COQ8A: variants seen among roughly 807,000 people sequenced by gnomAD.
The protein encoded by COQ8A is coenzyme Q8A.
COQ8A carries 51 observed loss-of-function variants against 65.0 expected under a neutral mutation model. The ratio of observed to expected loss-of-function variants is 0.78; its 90% CI spans 0.63 to 0.99. The LOEUF is 0.99. Among genes scored for constraint, COQ8A ranks in the 50% least tolerant of loss-of-function variants. The pLI is 0.00. For synonymous variants in COQ8A, 371 were observed against 353.2 expected (o/e 1.05, Z -0.57); for missense variants, 940 against 875.0 (o/e 1.07, Z -0.94).
chr1:226,965,538 C>G, intron 3 of COQ8A, 128 bp downstream of exon 3: 1 of 1,504,560 alleles, frequency 6.6e-7, no homozygotes, highest in Non-Finnish European at 9.1e-7. Flanking sequence ...GTGGCCTTCT[C>G]TTGGTGGAGT....
intron 4 of COQ8A, among the ~76,000 whole-genome samples, chr1:226,970,651 C>T (rs1658847883): frequency 6.6e-6 from 1 of 152,152 alleles, no homozygotes; most frequent in South Asian, 2.1e-4. Context: ...CAGCACGCAT[C>T]TTGACTTATT....
intron 1 of COQ8A, among the ~76,000 whole-genome samples, chr1:226,961,034 C>A (rs1157600859): frequency 6.6e-6 from 1 of 152,146 alleles, no homozygotes; most frequent in Non-Finnish European, 1.5e-5. Flanking sequence ...GCGCCTGACT[C>A]AAGTCCTGGT....
intron 1 of COQ8A, among the ~76,000 whole-genome samples, chr1:226,960,359 G>GGCAGTGGTA (rs1558187319): frequency 4.6e-3 from 6 of 1,292 alleles, no homozygotes; most frequent in Admixed American, 0.011. Context: ...TGGTGGTGGT[G>GGCAGTGGTA]CTTGGTGGTG....
chr1:226,945,121 C>T (rs1009750229), intron 1 of COQ8A, among the ~76,000 whole-genome samples: 1 of 151,998 alleles, frequency 6.6e-6, no homozygotes, highest in African/African-American at 2.4e-5. Context: ...ACTTTCTGCA[C>T]TCCAGGGATG....
chr1:226,973,021 C>G (rs964695068), intron 4 of COQ8A, among the ~76,000 whole-genome samples: 1 of 152,172 alleles, frequency 6.6e-6, no homozygotes, highest in South Asian at 2.1e-4. Context: ...GCTGTTGGAC[C>G]CTTTGGCTGG....
intron 8 of COQ8A, 200 bp downstream of exon 8, chr1:226,983,234 G>A: frequency 1.1e-6 from 1 of 872,394 alleles, no homozygotes; most frequent in Non-Finnish European, 1.7e-6. Context: ...TGACTTTGGG[G>A]GCACAGAGGG....
chr1:226,985,400 A>C, intron 14 of COQ8A, 60 bp downstream of exon 14: 2 of 1,578,692 alleles, frequency 1.3e-6, no homozygotes, highest in Non-Finnish European at 8.7e-7. Context: ...CTCCCTGTGT[A>C]AGAATGGATG....
At chr1:226,958,421 C>T (rs1461816183) in intron 1 of COQ8A, among the ~76,000 whole-genome samples, 1 of 152,208 alleles carries the variant, frequency 6.6e-6, no homozygotes, top group African/African-American at 2.4e-5. Flanking sequence ...CACGTCCCGG[C>T]TCCAGGTCGT....
At chr1:226,955,829 C>T (rs533778654) in intron 1 of COQ8A, among the ~76,000 whole-genome samples, 1 of 129,762 alleles carries the variant, frequency 7.7e-6, no homozygotes, top group Non-Finnish European at 1.6e-5. Flanking sequence ...CCCTGGCTCC[C>T]ACTCCCTGGT....
rs928608241 is a variant in COQ8A, at chr1:226,984,410, G to T, written c.1399-138G>T. 3.9e-6 allele frequency: 5 copies of T among 1,272,640 alleles called. No homozygotes were observed. The African/African-American group carries it at 7.3e-5, about 19-fold the overall frequency. The allele number at this position is 1,272,640 out of a possible 1,614,324, so 78.8% of individuals were successfully genotyped here. A position where few individuals can be genotyped will look rare whatever the true frequency, so the allele number is the denominator to read the frequency against. On this transcript the variant is annotated intron_variant, in intron 11 of 14. Transcript: ENST00000366777. ...CACAGGGGAGCTGCTGCCTTCCCTG[G>T]CCCAAGTAACACTGGGAATCAAACA...
chr1:226,967,596 CAG>C (rs1047985695), intron 4 of COQ8A, among the ~76,000 whole-genome samples: 1 of 152,186 alleles, frequency 6.6e-6, no homozygotes, highest in African/African-American at 2.4e-5. Flanking sequence ...TTAAGGAAGA[CAG>C]AGACTGATGT....
intron 5 of COQ8A, among the ~76,000 whole-genome samples, chr1:226,981,332 C>T (rs1297118655): frequency 1.3e-5 from 2 of 152,242 alleles, no homozygotes; most frequent in Non-Finnish European, 2.9e-5. Context: ...CGGCCTTCTG[C>T]TGCTCCTGAG....
rs1274792704 is a variant in COQ8A, at chr1:226,949,060, AGCCCCAAG to A, written c.-10+8674_-10+8681del. ...GCTGGTCAGGGCAGAGCTGATTCCC[AGCCCCAAG>A]GCCCCAAGGCCCTCACCCTTGGCTA... On this transcript the variant is annotated intron_variant, in intron 1 of 14. Coordinates refer to ENST00000366777, the MANE Select transcript of COQ8A (RefSeq NM_020247.5). This position sits in a 1 kb window ranked among gnomAD's most constrained non-coding sequence, Gnocchi z 4.0. Among the ~76,000 whole-genome samples the A allele has an allele frequency of 5.9e-5, 9 of 152,070 alleles. No individual in the cohort carries two copies. The highest frequency in any genetic ancestry group is 2.0e-4 in the Admixed American group (3 of 15,256).
intron 5 of COQ8A, 36 bp from the exon 6 acceptor site, chr1:226,981,991 C>A: frequency 6.8e-6 from 11 of 1,612,832 alleles, no homozygotes; most frequent in Non-Finnish European, 7.6e-6. Flanking sequence ...CCAGACCCCC[C>A]CGAGTGCCGT....
intron 10 of COQ8A, 64 bp from the exon 11 acceptor site, chr1:226,984,026 GGTGT>G: frequency 6.5e-7 from 1 of 1,537,660 alleles, no homozygotes; most frequent in East Asian, 2.6e-5. Flanking sequence ...CTGGTTGGGG[GGTGT>G]GTGTGGGGGG....
At chr1:226,961,338 G>A (rs761367864) in intron 1 of COQ8A, 39 bp from the exon 2 acceptor site, 20 of 1,611,238 alleles carry the variant, frequency 1.2e-5, no homozygotes, top group Non-Finnish European at 1.6e-5. Flanking sequence ...GGCCTGCAGA[G>A]GCCTGGGGCC....
intron 5 of COQ8A, among the ~76,000 whole-genome samples, chr1:226,979,304 G>T (rs1429911708): frequency 6.6e-6 from 1 of 152,188 alleles, no homozygotes; most frequent in Non-Finnish European, 1.5e-5. Flanking sequence ...GGAGTGGGGC[G>T]CACTGAGTCC....
In COQ8A at chr1:226,965,013, A is replaced by G; in HGVS notation, c.191A>G (p.His64Arg). 1.9e-6 allele frequency: 3 copies of G among 1,614,030 alleles called. No individual in the cohort carries two copies. The highest frequency in any genetic ancestry group is 1.1e-5 in the South Asian group (1 of 91,080). The change falls in exon 3 of 15, where the codon CAT becomes CGT. Residue 64 changes from histidine to arginine, a missense_variant. Physicochemically the swap from His to Arg is conservative, Grantham distance 29. Coordinates refer to ENST00000366777, the MANE Select transcript of COQ8A (RefSeq NM_020247.5). ...FLGKVQGQDK[H>R]EEYFAENFGG... The stretch of plus-strand genomic sequence containing the variant: ...TGCTCCCTGCAGGGTCAGGATAAAC[A>G]TGAAGAATATTTTGCTGAGAACTTC...
At chr1:226,968,227 C>T (rs1051632733) in intron 4 of COQ8A, among the ~76,000 whole-genome samples, 9 of 151,952 alleles carry the variant, frequency 5.9e-5, no homozygotes, top group Non-Finnish European at 1.2e-4. Context: ...CCCAGCTACT[C>T]GGGAGGCTGA....
Sources: allele counts gnomAD v4.1 joint callset (sites outside exome capture counted in the v4.1 genomes callset), GRCh38; gene constraint gnomAD v4.1.1; non-coding constraint Gnocchi (gnomAD v3.1); transcripts MANE v1.5; gene names NCBI Gene and HGNC (gene_info 2026-07-23, HGNC 2026-07-21).